The following ADAMTS20 variants were observed in gnomAD, a reference collection of about 807,000 sequenced individuals.
ADAMTS20 encodes A disintegrin and metalloproteinase with thrombospondin motifs 20.
Under a neutral mutation model 260.1 loss-of-function variants are expected in ADAMTS20, and 225 were observed. The observed-to-expected ratio is 0.87, with a 90% CI of 0.78 to 0.97. ADAMTS20 has a LOEUF of 0.97. ADAMTS20 is among the 50% of genes least tolerant of loss of function. ADAMTS20 has a pLI of 0.00. For missense variants in ADAMTS20, 2,400 were observed against 2,337.7 expected (o/e 1.03, Z -0.55); for synonymous variants, 802 against 769.5 (o/e 1.04, Z -0.70).
At chr12:43,468,568 T>C (rs372663119) in intron 8 of ADAMTS20, 32 bp downstream of exon 8, 236 of 1,279,870 alleles carry the variant, frequency 1.8e-4, no homozygotes, top group Non-Finnish European at 2.6e-4. Context: ...ATAAATAGAA[T>C]GCACATTAAG....
chr12:43,398,082 G>A (rs532132302), intron 29 of ADAMTS20, among the ~76,000 whole-genome samples: 1 of 152,302 alleles, frequency 6.6e-6, no homozygotes, highest in Middle Eastern at 3.4e-3. Context: ...AACATCAGAA[G>A]ATGGGTGTCT....
intron 7 of ADAMTS20, among the ~76,000 whole-genome samples, chr12:43,481,235 C>T (rs942780434): frequency 2.6e-5 from 4 of 152,068 alleles, no homozygotes; most frequent in Admixed American, 6.6e-5. Flanking sequence ...ACAAGCTTAG[C>T]GTTCCAATAA....
intron 28 of ADAMTS20, among the ~76,000 whole-genome samples, chr12:43,420,816 T>TTTTTTTTTTTTC: frequency 7.7e-6 from 1 of 129,996 alleles, no homozygotes; most frequent in Non-Finnish European, 1.6e-5. Flanking sequence ...TTTTTTTTTT[T>TTTTTTTTTTTTC]TTTTTTTTTG....
intron 18 of ADAMTS20, among the ~76,000 whole-genome samples, chr12:43,438,560 A>G (rs962331740): frequency 3.3e-5 from 5 of 152,124 alleles, no homozygotes; most frequent in Non-Finnish European, 5.9e-5. Flanking sequence ...CACTGTCCAG[A>G]TGCCACAGGA....
At chr12:43,535,191 G>T (rs1185416619) in intron 2 of ADAMTS20, among the ~76,000 whole-genome samples, 1 of 152,130 alleles carries the variant, frequency 6.6e-6, no homozygotes, top group Non-Finnish European at 1.5e-5. Context: ...CTAGACAGAA[G>T]TCTTCAAATA....
chr12:43,506,452 A>T (rs1386325802), intron 3 of ADAMTS20, among the ~76,000 whole-genome samples: 1 of 152,042 alleles, frequency 6.6e-6, no homozygotes, highest in African/African-American at 2.4e-5. Context: ...CACACGTAAA[A>T]AGGGTTAAGA....
rs1443176038 is a variant in ADAMTS20, at chr12:43,375,436, C to G, written c.5389G>C (p.Ala1797Pro). ...DCECDNGHLA[A>P]GYTVFSKIRI... Reference sequence around the variant, plus strand: ...ATTTTGCTGAAAACAGTGTATCCAGCAGCTAAGTGTCCATTGTCACATTCA... The same window carrying G: ...ATTTTGCTGAAAACAGTGTATCCAGGAGCTAAGTGTCCATTGTCACATTCA... The change falls in exon 36 of 39, where the codon GCT becomes CCT. Residue 1797 changes from alanine (A) to proline (P), a missense_variant. Transcript: ENST00000389420. The G allele has an allele frequency of 1.9e-6, 3 of 1,613,692 alleles. No individual in the cohort carries two copies. The South Asian group carries it at 3.3e-5, about 18-fold the overall frequency.
At chr12:43,484,066 C>T (rs1942483060) in intron 7 of ADAMTS20, among the ~76,000 whole-genome samples, 1 of 152,146 alleles carries the variant, frequency 6.6e-6, no homozygotes, top group Non-Finnish European at 1.5e-5. Context: ...AATCAAGGAA[C>T]TCATACTGAG....
At position 43,551,908 on chromosome 12, in the gene ADAMTS20, T is replaced by C; in HGVS notation, c.14A>G (p.Lys5Arg). MWVAKWLTGLLYHLS... is the reference protein window; with the variant it reads MWVARWLTGLLYHLS... The stretch of plus-strand genomic sequence containing the variant: ...ATGGTAGAGCAGCCCAGTCAGCCAC[T>C]TGGCCACCCACATGGTTCCACCCTG... Residue 5 changes from lysine (K) to arginine (R), a missense_variant, in exon 1 of 39, where the codon AAG (lysine) becomes AGG (arginine). By Grantham distance (26) the Lys-to-Arg change is conservative. Transcript: ENST00000389420. This position sits in a 1 kb window ranked among gnomAD's most constrained non-coding sequence, Gnocchi z 4.6. The C allele has an allele frequency of 6.2e-7, 1 of 1,613,608 alleles. No individual in the cohort carries two copies. The highest frequency in any genetic ancestry group is 8.5e-7 in the Non-Finnish European group (1 of 1,179,728).
At chr12:43,542,751 T>C (rs1592117737) in intron 2 of ADAMTS20, among the ~76,000 whole-genome samples, 1 of 152,234 alleles carries the variant, frequency 6.6e-6, no homozygotes, top group African/African-American at 2.4e-5. Context: ...CAAAACTTGA[T>C]CTGTTGTCAG....
intron 28 of ADAMTS20, among the ~76,000 whole-genome samples, chr12:43,417,540 C>T (rs531156185): frequency 2.5e-4 from 38 of 152,188 alleles, no homozygotes; most frequent in Non-Finnish European, 2.8e-4. Context: ...AACCAGGAAG[C>T]GGTCAATGGT....
rs1940202223 is a variant in ADAMTS20 at position 43,375,400 on chromosome 12, G to A, written c.5425C>T (p.Leu1809Phe). 3 of 1,613,356 alleles carry A rather than the reference G, an allele frequency of 1.9e-6. No homozygotes were observed. In the East Asian group the frequency reaches 6.7e-5, roughly 36 times the overall value. ...TTACTTTTAATTTGCATGGAAGTGA[G>A]ATCAATTCTTATTTTGCTGAAAACA... ...YTVFSKIRID[L>F]TSMQIKTTDL... Residue 1809 changes from leucine (L) to phenylalanine (F), a missense_variant, in exon 36 of 39, where the codon CTC becomes TTC. Coordinates refer to ENST00000389420, the MANE Select transcript of ADAMTS20 (RefSeq NM_025003.5).
At chr12:43,455,977 A>G (rs781426590) in intron 11 of ADAMTS20, among the ~76,000 whole-genome samples, 3 of 152,194 alleles carry the variant, frequency 2.0e-5, no homozygotes, top group Non-Finnish European at 2.9e-5. Context: ...TGCTATGAGT[A>G]TGAGTGTACA....
intron 6 of ADAMTS20, 90 bp from the exon 7 acceptor site, chr12:43,490,525 G>T: frequency 3.2e-6 from 2 of 619,406 alleles, no homozygotes; most frequent in Non-Finnish European, 5.3e-6. Context: ...ACTATGACAT[G>T]ACTACTACCA....
chr12:43,526,435 G>A (rs1422743124), intron 3 of ADAMTS20, among the ~76,000 whole-genome samples: 1 of 152,090 alleles, frequency 6.6e-6, no homozygotes, highest in Non-Finnish European at 1.5e-5. Context: ...TCCAGCCTGA[G>A]TGACAGAGCA....
chr12:43,375,172 CAAAAAAAAAAAA>C (rs58169338), intron 36 of ADAMTS20, among the ~76,000 whole-genome samples, 195 bp downstream of exon 36: 13 of 62,316 alleles, frequency 2.1e-4, no homozygotes, highest in African/African-American at 8.8e-4. Context: ...AACTGCGTCT[CAAAAAAAAAAAA>C]AAAAAAAAAA....
chr12:43,471,292 G>A (rs543773099), intron 7 of ADAMTS20, among the ~76,000 whole-genome samples: 8 of 152,096 alleles, frequency 5.3e-5, no homozygotes, highest in African/African-American at 1.7e-4. Flanking sequence ...TTAAAACACG[G>A]CGCACCACGG....
chr12:43,492,724 T>G, intron 5 of ADAMTS20, 95 bp from the exon 6 acceptor site: 1 of 1,395,546 alleles, frequency 7.2e-7, no homozygotes. Context: ...TCAAATAGCA[T>G]TCTCACAGGT....
Position 43,428,512 on chromosome 12 carries a change from T to C in ADAMTS20, c.3674A>G (p.His1225Arg). ...DWSPCSASCG[H>R]GKTTRQVLCM... ...TAAAACTTGTCGAGTTGTTTTTCCA[T>C]GGCCACAGGAAGCTGAACACTGATC... The change falls in exon 26 of 39, where the codon CAT becomes CGT. Residue 1225 changes from histidine (H) to arginine (R), a missense_variant. Transcript: ENST00000389420. The C allele has an allele frequency of 6.2e-7, 1 of 1,613,530 alleles. No homozygotes were observed. Among genetic ancestry groups the C allele is most frequent in the African/African-American group, 1.3e-5 (1 of 75,052 alleles).
Sources: allele counts gnomAD v4.1 joint callset (sites outside exome capture counted in the v4.1 genomes callset), GRCh38; gene constraint gnomAD v4.1.1; non-coding constraint Gnocchi (gnomAD v3.1); transcripts MANE v1.5; gene names NCBI Gene and HGNC (gene_info 2026-07-23, HGNC 2026-07-21).